Variants in CACNG2 observed in about 807,000 individuals in gnomAD.
CACNG2 encodes the protein calcium voltage-gated channel auxiliary subunit gamma 2, also known as voltage-dependent calcium channel gamma-2 subunit.
In CACNG2, 3 loss-of-function variants were observed where a neutral mutation model predicts 25.9. That is an observed-to-expected ratio of 0.12 (90% confidence interval 0.05 to 0.30). The LOEUF (loss-of-function observed/expected upper bound fraction) is 0.30. CACNG2 is among the 10% of genes least tolerant of loss of function. CACNG2 has a pLI of 1.00. For synonymous variants in CACNG2, 167 were observed against 173.3 expected (o/e 0.96, Z 0.29); for missense variants, 341 against 432.5 (o/e 0.79, Z 1.88).
In CACNG2 at chr22:36,561,678, C is replaced by G. The variant is rs922428952; in HGVS notation, c.*2673G>C. ...ATGCAAACCGGGGGAGACTCGCAGG[C>G]AGAGGCAGGGGGGCCTCACCTTGAC... On this transcript the variant is annotated 3_prime_UTR_variant, in exon 4 of 4. Transcript: ENST00000300105. 2.6e-5 allele frequency: 4 copies of G among 152,458 alleles called. No homozygotes were observed. The highest frequency in any genetic ancestry group is 5.9e-5 in the Non-Finnish European group (4 of 68,234). The allele number at this position is 152,458 out of a possible 1,614,324, so 9.4% of individuals were successfully genotyped here.
Position 36,565,429 on chromosome 22 carries a change from C to T in CACNG2, c.437-543G>A, listed in dbSNP as rs187448513. Among the ~76,000 whole-genome samples the T allele has an allele frequency of 8.6e-5, 13 of 151,396 alleles. No individual in the cohort carries two copies. The East Asian group carries it at 9.7e-4, about 11-fold the overall frequency. On this transcript the variant is annotated intron_variant, in intron 3 of 3. Coordinates refer to ENST00000300105, the MANE Select transcript of CACNG2 (RefSeq NM_006078.5). ...GGTTAAGCCTTACTCTTTAGGGCCACGGAGAGGGTTAAATGGGTGAATACA... is the reference window on the plus strand; with the variant it reads ...GGTTAAGCCTTACTCTTTAGGGCCATGGAGAGGGTTAAATGGGTGAATACA...
At chr22:36,679,540 A>G (rs1176085124) in intron 1 of CACNG2, among the ~76,000 whole-genome samples, 3 of 152,210 alleles carry the variant, frequency 2.0e-5, no homozygotes, top group African/African-American at 7.2e-5. Context: ...GAAATCTACT[A>G]AACAGTTTTC....
chr22:36,566,593 T>A, intron 2 of CACNG2, 100 bp from the exon 3 acceptor site: 1 of 1,272,412 alleles, frequency 7.9e-7, no homozygotes, highest in Non-Finnish European at 1.1e-6. Flanking sequence ...GCTGGGGGTT[T>A]ATGGACACAG....
chr22:36,576,537 TAA>T (rs35888972), intron 2 of CACNG2, among the ~76,000 whole-genome samples: 1 of 145,976 alleles, frequency 6.9e-6, no homozygotes, highest in Non-Finnish European at 1.5e-5. Flanking sequence ...AATAAAAAAT[TAA>T]AAAAAAAAAC....
In CACNG2 at chr22:36,606,200, C is replaced by A. The variant is rs1404204564; in HGVS notation, c.212-18652G>T. On this transcript the variant is annotated intron_variant, in intron 1 of 3. Transcript: ENST00000300105. This position sits in a 1 kb window ranked among gnomAD's most constrained non-coding sequence, Gnocchi z 5.7. ...CAATACAGACGGATTCCCCGTCCCC[C>A]AGAGCTGAGTCTTGAGAGGACCCTA... Among the ~76,000 whole-genome samples, 1 of 152,204 alleles carries A rather than the reference C, an allele frequency of 6.6e-6. No individual in the cohort carries two copies. The highest frequency in any genetic ancestry group is 1.5e-5 in the Non-Finnish European group (1 of 68,040).
At chr22:36,694,857 G>A (rs58867477) in intron 1 of CACNG2, among the ~76,000 whole-genome samples, 4,660 of 152,226 alleles carry the variant, frequency 0.031, 253 homozygotes, top group African/African-American at 0.11. Flanking sequence ...GAACTGTCAT[G>A]GGTAGCTGAG....
At chr22:36,675,572 T>C (rs976919087) in intron 1 of CACNG2, among the ~76,000 whole-genome samples, 1 of 152,348 alleles carries the variant, frequency 6.6e-6, no homozygotes, top group African/African-American at 2.4e-5. Flanking sequence ...CTGGGAACTA[T>C]GTCCCATTCA....
chr22:36,564,511 T>C lies in CACNG2; in HGVS notation c.812A>G (p.Tyr271Cys). 1 of 1,614,134 alleles carries C rather than the reference T, an allele frequency of 6.2e-7. No homozygotes were observed. The highest frequency in any genetic ancestry group is 8.5e-7 in the Non-Finnish European group (1 of 1,179,994). ...NTLPSTEISM[Y>C]TLSRDPLKAA... ...CTTCAGGGGGTCCCTGCTGAGCGTGTACATGGAGATCTCCGTGGACGGCAG... is the reference window on the plus strand; with the variant it reads ...CTTCAGGGGGTCCCTGCTGAGCGTGCACATGGAGATCTCCGTGGACGGCAG... The change falls in exon 4 of 4, where the codon TAC becomes TGC. Residue 271 changes from tyrosine (Y) to cysteine (C), a missense_variant. By Grantham distance (194) the Tyr-to-Cys change is radical (BLOSUM62 -2). Around this residue, in one of 2 missense-constraint regions of CACNG2, gnomAD observed 172 missense variants for 178.1 expected, o/e 0.97. Transcript: ENST00000300105. This position sits in a 1 kb window ranked among gnomAD's most constrained non-coding sequence, Gnocchi z 6.7.
chr22:36,654,940 T>C (rs1936681361), intron 1 of CACNG2, among the ~76,000 whole-genome samples: 1 of 151,476 alleles, frequency 6.6e-6, no homozygotes, highest in South Asian at 2.1e-4. Flanking sequence ...AAAGTGTGGA[T>C]AGGAGCAGAG....
At chr22:36,577,852 T>C (rs1019922708) in intron 2 of CACNG2, among the ~76,000 whole-genome samples, 6 of 152,048 alleles carry the variant, frequency 3.9e-5, no homozygotes, top group African/African-American at 7.2e-5. Flanking sequence ...TGATGACTTC[T>C]GGAGGGGATG....
intron 1 of CACNG2, among the ~76,000 whole-genome samples, chr22:36,665,080 T>G (rs1329132886): frequency 6.6e-6 from 1 of 152,124 alleles, no homozygotes; most frequent in Non-Finnish European, 1.5e-5. Flanking sequence ...AGAGGGCTGG[T>G]GAAGGCAGGC....
intron 1 of CACNG2, among the ~76,000 whole-genome samples, chr22:36,672,654 C>A (rs561132430): frequency 6.6e-6 from 1 of 152,196 alleles, no homozygotes; most frequent in Non-Finnish European, 1.5e-5. Flanking sequence ...TCTCAGTTCA[C>A]GAGGTCCGTT....
intron 1 of CACNG2, among the ~76,000 whole-genome samples, chr22:36,661,491 G>T (rs565400681): frequency 6.6e-6 from 1 of 152,242 alleles, no homozygotes; most frequent in East Asian, 1.9e-4. Context: ...ACCGTGTGGG[G>T]CCTAGGGTGT....
chr22:36,598,726 C>T (rs537123377), intron 1 of CACNG2, among the ~76,000 whole-genome samples: 1 of 151,970 alleles, frequency 6.6e-6, no homozygotes, highest in African/African-American at 2.4e-5. Flanking sequence ...CGCCTGTAAT[C>T]CCAGCACTTT....
intron 1 of CACNG2, among the ~76,000 whole-genome samples, chr22:36,621,764 T>A (rs1936109620): frequency 6.6e-6 from 1 of 152,078 alleles, no homozygotes; most frequent in African/African-American, 2.4e-5. Flanking sequence ...CTGGTGACAG[T>A]GTCTTATTCA....
At chr22:36,612,608 C>T (rs1388660570) in intron 1 of CACNG2, among the ~76,000 whole-genome samples, 1 of 152,198 alleles carries the variant, frequency 6.6e-6, no homozygotes, top group Non-Finnish European at 1.5e-5. Context: ...TGCCTCTTCC[C>T]ACAACCCTCT....
At position 36,587,428 on chromosome 22, in the gene CACNG2, C is replaced by T. The variant is rs770988298; in HGVS notation, c.295+37G>A. 2.7e-6 allele frequency: 4 copies of T among 1,471,016 alleles called. No individual in the cohort carries two copies. The African/African-American group carries it at 5.5e-5, about 20-fold the overall frequency. 91.1% of individuals were successfully genotyped at this position (1,471,016 alleles called of 1,614,324 possible). A position where few individuals can be genotyped will look rare whatever the true frequency, so the allele number is the denominator to read the frequency against. On this transcript the variant is annotated intron_variant, in intron 2 of 3. Transcript: ENST00000300105. ...TGAAGGATGGAAGGGCAGGGCCCAC[C>T]ACCAGGAGGGAGATAAAAACAATCG...
intron 3 of CACNG2, 134 bp downstream of exon 3, chr22:36,566,219 G>T: frequency 1.1e-6 from 1 of 913,882 alleles, no homozygotes; most frequent in Non-Finnish European, 1.7e-6. Context: ...TTCCTCCCCT[G>T]CAACACGACC....
chr22:36,580,026 G>A (rs985436607), intron 2 of CACNG2, among the ~76,000 whole-genome samples: 3 of 152,360 alleles, frequency 2.0e-5, no homozygotes, highest in African/African-American at 4.8e-5. Flanking sequence ...CAGTGAACAC[G>A]GATTGTGGCG....
Sources: allele counts gnomAD v4.1 joint callset (sites outside exome capture counted in the v4.1 genomes callset), GRCh38; gene constraint gnomAD v4.1.1; regional missense constraint gnomAD v4.1.1; non-coding constraint Gnocchi (gnomAD v3.1); transcripts MANE v1.5; gene names NCBI Gene and HGNC (gene_info 2026-07-23, HGNC 2026-07-21).